The following SLC30A9 variants were observed in gnomAD, a reference collection of about 807,000 sequenced individuals.
SLC30A9 encodes solute carrier family 30 member 9, also known as proton-coupled zinc antiporter SLC30A9, mitochondrial.
Under a neutral mutation model 87.5 loss-of-function variants are expected in SLC30A9, and 58 were observed. The observed-to-expected ratio is 0.66, with a 90% CI of 0.54 to 0.82. SLC30A9 has a LOEUF of 0.82. Among genes scored for constraint, SLC30A9 ranks in the 40% least tolerant of loss-of-function variants. SLC30A9 has a pLI of 0.00. For synonymous variants in SLC30A9, 234 were observed against 233.0 expected, an observed-to-expected ratio of 1.00 and a Z score of -0.04; for missense variants, 557 against 679.1, an observed-to-expected ratio of 0.82 and a Z score of 2.00.
chr4:42,038,907 TG>T, intron 7 of SLC30A9, 78 bp from the exon 8 acceptor site: 1 of 830,174 alleles, frequency 1.2e-6, no homozygotes, highest in Non-Finnish European at 2.0e-6. Context: ...GAAAATGTTC[TG>T]GTCTGTCAAA....
chr4:42,025,914 A>G (rs1716173616), intron 6 of SLC30A9, among the ~76,000 whole-genome samples: 1 of 151,768 alleles, frequency 6.6e-6, no homozygotes, highest in South Asian at 2.1e-4. Flanking sequence ...CAGCCTCCCA[A>G]AGTGCTGGGA....
chr4:42,088,739 C>T lies in SLC30A9; in HGVS notation c.*2613C>T, dbSNP rs73151367. 9,739 of 152,330 alleles carry T rather than the reference C, an allele frequency of 0.064. 663 individuals carry two copies. The highest frequency in any genetic ancestry group is 0.17 in the African/African-American group (6,990 of 41,502). The allele number at this position is 152,330 out of a possible 1,614,324, so 9.4% of individuals were successfully genotyped here. ...CCACCCCCGTGATCCAGTCATCTCC[C>T]ACCAGGCCCTACCTCCAACATGGGA... On this transcript the variant is annotated 3_prime_UTR_variant, in exon 18 of 18. Coordinates refer to ENST00000264451, the MANE Select transcript of SLC30A9 (RefSeq NM_006345.4).
At chr4:42,038,014 T>G (rs1392546011) in intron 7 of SLC30A9, among the ~76,000 whole-genome samples, 1 of 152,058 alleles carries the variant, frequency 6.6e-6, no homozygotes, top group African/African-American at 2.4e-5. Context: ...TCAAGCAGTC[T>G]GCCCATCTTG....
At chr4:42,052,204 A>C (rs1393549242) in intron 9 of SLC30A9, among the ~76,000 whole-genome samples, 1 of 152,136 alleles carries the variant, frequency 6.6e-6, no homozygotes, top group Non-Finnish European at 1.5e-5. Context: ...TAAATCTAGC[A>C]AAAGACATAC....
intron 17 of SLC30A9, among the ~76,000 whole-genome samples, chr4:42,085,353 A>G (rs1305151825): frequency 6.6e-6 from 1 of 152,212 alleles, no homozygotes; most frequent in African/African-American, 2.4e-5. Context: ...TCAGGCCTGG[A>G]ATCAATCCTG....
In SLC30A9 at chr4:42,089,864, TC is replaced by T. The variant is rs1680074384; in HGVS notation, c.*3740del. 1 of 152,150 alleles carries T rather than the reference TC, an allele frequency of 6.6e-6. No homozygotes were observed. Among genetic ancestry groups the T allele is most frequent in the African/African-American group, 2.4e-5 (1 of 41,424 alleles). The allele number at this position is 152,150 out of a possible 1,614,324, so 9.4% of individuals were successfully genotyped here. On this transcript the variant is annotated 3_prime_UTR_variant, in exon 18 of 18. Coordinates refer to ENST00000264451, the MANE Select transcript of SLC30A9 (RefSeq NM_006345.4). ...AAAGCAAAGGTAATCCCTGCATACA[TC>T]CTCCTACACACACACACATAGTGCA...
intron 1 of SLC30A9, among the ~76,000 whole-genome samples, chr4:41,993,168 T>G (rs1001573899): frequency 2.7e-5 from 4 of 150,454 alleles, no homozygotes; most frequent in Admixed American, 2.7e-4. Context: ...ATAACGAAAT[T>G]TATATATTTT....
Position 42,090,430 on chromosome 4 carries a change from A to G in SLC30A9, c.*4304A>G, listed in dbSNP as rs1333383739. 1 of 152,176 alleles carries G rather than the reference A, an allele frequency of 6.6e-6. No homozygotes were observed. Among genetic ancestry groups the G allele is most frequent in the Non-Finnish European group, 1.5e-5 (1 of 68,022 alleles). 9.4% of individuals were successfully genotyped at this position (152,176 alleles called of 1,614,324 possible). On this transcript the variant is annotated 3_prime_UTR_variant, in exon 18 of 18. Coordinates refer to ENST00000264451, the MANE Select transcript of SLC30A9 (RefSeq NM_006345.4). ...GGTCCCTCAGGATACTTTTTCCCTT[A>G]ATAAATGTCATATGTAAATAAAGGC...
Position 41,990,662 on chromosome 4 carries a change from G to T in SLC30A9, c.11G>T (p.Gly4Val). ...CTCTGCCCCACCAGGATGTTACCCG[G>T]CTTGGCCGCCGCCGCGGCCCACAGA... Reference protein sequence around the residue: MLPGLAAAAAHRCS... With the variant: MLPVLAAAAAHRCS... The change falls in exon 1 of 18, where the codon GGC becomes GTC. Residue 4 changes from glycine to valine, a missense_variant. By Grantham distance (109) the Gly-to-Val change is moderately radical. Coordinates refer to ENST00000264451, the MANE Select transcript of SLC30A9 (RefSeq NM_006345.4). 1.9e-6 allele frequency: 3 copies of T among 1,606,604 alleles called. No individual in the cohort carries two copies. Among genetic ancestry groups the T allele is most frequent in the South Asian group, 1.1e-5 (1 of 90,666 alleles).
chr4:41,994,576 A>T (rs990200914), intron 1 of SLC30A9, among the ~76,000 whole-genome samples: 3 of 152,030 alleles, frequency 2.0e-5, no homozygotes, highest in Non-Finnish European at 4.4e-5. Flanking sequence ...CCAATCTGCT[A>T]GTATTTATTG....
chr4:42,034,034 T>A (rs954462661), intron 6 of SLC30A9, among the ~76,000 whole-genome samples: 1 of 152,222 alleles, frequency 6.6e-6, no homozygotes, highest in African/African-American at 2.4e-5. Flanking sequence ...ATTAAAACGA[T>A]ACCATGAGAA....
In SLC30A9 at chr4:42,021,551, A is replaced by G. The variant is rs572716286; in HGVS notation, c.434+1036A>G. Among the ~76,000 whole-genome samples the G allele has an allele frequency of 2.6e-5, 4 of 152,346 alleles. No individual in the cohort carries two copies. In the South Asian group the frequency reaches 6.2e-4, roughly 24 times the overall value. On this transcript the variant is annotated intron_variant, in intron 4 of 17. Transcript: ENST00000264451. ...TATTTAGCAGTGACTTGATGAATATATAAGCCTTTCAGAATTTAAGAGAAA... is the reference window on the plus strand; with the variant it reads ...TATTTAGCAGTGACTTGATGAATATGTAAGCCTTTCAGAATTTAAGAGAAA...
At chr4:42,022,657 C>T (rs1294137032) in intron 4 of SLC30A9, among the ~76,000 whole-genome samples, 181 bp from the exon 5 acceptor site, 1 of 152,070 alleles carries the variant, frequency 6.6e-6, no homozygotes, top group Non-Finnish European at 1.5e-5. Flanking sequence ...TTTTTTTTCA[C>T]TGTCTCTATT....
At chr4:42,045,277 G>T (rs958730886) in intron 8 of SLC30A9, among the ~76,000 whole-genome samples, 24 of 151,918 alleles carry the variant, frequency 1.6e-4, no homozygotes, top group Admixed American at 1.4e-3. Flanking sequence ...CCAGGAGCTG[G>T]TTTTTTTAAA....
chr4:42,049,876 A>G (rs1238047535), intron 9 of SLC30A9, among the ~76,000 whole-genome samples: 1 of 152,106 alleles, frequency 6.6e-6, no homozygotes, highest in Non-Finnish European at 1.5e-5. Flanking sequence ...AATGGAGAAA[A>G]ATTTTTGTAT....
chr4:42,014,298 G>A (rs1580987), intron 2 of SLC30A9, among the ~76,000 whole-genome samples: 103,897 of 152,014 alleles, frequency 0.68, 37,929 homozygotes, highest in East Asian at 0.96. Context: ...GTAAATTAGT[G>A]CAGCTACTAT....
In SLC30A9 at chr4:42,036,356, A is replaced by G. The variant is rs759414066; in HGVS notation, c.669+1023A>G. The stretch of plus-strand genomic sequence containing the variant: ...AATACTCTGCTTTCCTTCCTACTAG[A>G]AGGAAATTAATATTGGGACACATGT... On this transcript the variant is annotated intron_variant, in intron 7 of 17. Coordinates refer to ENST00000264451, the MANE Select transcript of SLC30A9 (RefSeq NM_006345.4). 5.9e-5 allele frequency among the ~76,000 whole-genome samples: 9 copies of G among 152,150 alleles called. No homozygotes were observed. The South Asian group carries it at 8.3e-4, about 14-fold the overall frequency.
intron 1 of SLC30A9, among the ~76,000 whole-genome samples, chr4:41,995,711 T>C (rs546311738): frequency 7.2e-5 from 11 of 152,174 alleles, no homozygotes; most frequent in Admixed American, 3.9e-4. Context: ...CTAGTATGTA[T>C]ATATGTATGT....
intron 1 of SLC30A9, among the ~76,000 whole-genome samples, chr4:41,991,513 A>G (rs1714440226): frequency 6.6e-6 from 1 of 152,204 alleles, no homozygotes; most frequent in Admixed American, 6.5e-5. Flanking sequence ...GTAGCTTGAC[A>G]CACATTGCTT....
Sources: allele counts gnomAD v4.1 joint callset (sites outside exome capture counted in the v4.1 genomes callset), GRCh38; gene constraint gnomAD v4.1.1; transcripts MANE v1.5; gene names NCBI Gene and HGNC (gene_info 2026-07-23, HGNC 2026-07-21).